Variants in CNTN3 observed in about 807,000 individuals in gnomAD.
The protein encoded by CNTN3 is contactin 3.
In CNTN3, 60 loss-of-function variants were observed where a neutral mutation model predicts 119.1. The ratio of observed to expected loss-of-function variants is 0.50; its 90% confidence interval spans 0.41 to 0.62. CNTN3 has a LOEUF of 0.62. Ranked by LOEUF, CNTN3 falls within the 20% of genes least tolerant of loss-of-function variation. The probability of loss-of-function intolerance (pLI) is 0.00; values close to 1 mark genes in which losing one functional copy is unlikely to be tolerated. For missense variants in CNTN3, 1,101 were observed against 1,242.4 expected (o/e 0.89, Z 1.71); for synonymous variants, 450 against 438.7 (o/e 1.03, Z -0.32).
chr3:74,479,648 C>T (rs1424545543), intron 4 of CNTN3, among the ~76,000 whole-genome samples: 2 of 151,902 alleles, frequency 1.3e-5, no homozygotes, highest in Non-Finnish European at 2.9e-5. Context: ...AAACAATGAA[C>T]ACCAAGAAAG....
In CNTN3 at chr3:74,397,846, A is replaced by G. The variant is rs918279032; in HGVS notation, c.455-26447T>C. ...CAGGAGTCTGGAAAAAGTGGATTCT[A>G]ACTTTCATGTATGACTTTGAGTTCA... On this transcript the variant is annotated intron_variant, in intron 5 of 22. Transcript: ENST00000263665. 3.9e-5 allele frequency among the ~76,000 whole-genome samples: 6 copies of G among 152,304 alleles called. 1 individual carries two copies. The highest frequency in any genetic ancestry group is 1.4e-4 in the African/African-American group (6 of 41,574).
chr3:74,605,502 A>G (rs1704977617), intron 1 of CNTN3, among the ~76,000 whole-genome samples: 1 of 152,132 alleles, frequency 6.6e-6, no homozygotes, highest in Non-Finnish European at 1.5e-5. Flanking sequence ...TAAACAAAGA[A>G]TTTATTATCT....
chr3:74,539,403 C>T (rs1321207509), intron 1 of CNTN3, among the ~76,000 whole-genome samples: 2 of 152,074 alleles, frequency 1.3e-5, no homozygotes, highest in Non-Finnish European at 2.9e-5. Context: ...GAGGGAAGTA[C>T]TATGACTATT....
At chr3:74,567,693 A>G (rs1442430062) in intron 1 of CNTN3, among the ~76,000 whole-genome samples, 2 of 152,120 alleles carry the variant, frequency 1.3e-5, no homozygotes, top group Non-Finnish European at 2.9e-5. Context: ...CTCTGCTGAC[A>G]GTCGATGATG....
intron 1 of CNTN3, among the ~76,000 whole-genome samples, chr3:74,545,390 T>C (rs548045546): frequency 2.9e-4 from 44 of 152,296 alleles, no homozygotes; most frequent in African/African-American, 1.1e-3. Flanking sequence ...GAAAACTATC[T>C]TTTTGGAATC....
In CNTN3 at chr3:74,424,890, C is replaced by T. The variant is rs770365397; in HGVS notation, c.409G>A (p.Gly137Ser). Reference protein sequence around the residue: ...KMRSTVSVREGQGVVLLCGPP... With the variant: ...KMRSTVSVRESQGVVLLCGPP... Reference sequence around the variant, plus strand: ...CCGCAGAGCAGCACAACTCCCTGGCCTTCACGCACAGACACTGTACTCCTC... The same window carrying T: ...CCGCAGAGCAGCACAACTCCCTGGCTTTCACGCACAGACACTGTACTCCTC... Residue 137 changes from glycine to serine, a missense_variant, in exon 5 of 23, where the codon GGC (glycine) becomes AGC (serine). Coordinates refer to ENST00000263665, the MANE Select transcript of CNTN3 (RefSeq NM_020872.3). The T allele has an allele frequency of 3.9e-5, 63 of 1,613,696 alleles. No homozygotes were observed. Among genetic ancestry groups the T allele is most frequent in the Non-Finnish European group, 4.4e-5 (52 of 1,179,802 alleles).
intron 5 of CNTN3, among the ~76,000 whole-genome samples, chr3:74,419,175 C>G (rs538628905): frequency 6.6e-6 from 1 of 152,266 alleles, no homozygotes; most frequent in South Asian, 2.1e-4. Context: ...TAAGATGAAG[C>G]TGTATTATAC....
intron 2 of CNTN3, among the ~76,000 whole-genome samples, chr3:74,509,504 G>A (rs1159711653): frequency 6.6e-6 from 1 of 152,030 alleles, no homozygotes; most frequent in East Asian, 1.9e-4. Context: ...CGCCATGTTG[G>A]CCAGGCTGGT....
At chr3:74,358,803 T>G (rs1029154495) in intron 11 of CNTN3, among the ~76,000 whole-genome samples, 2 of 130,494 alleles carry the variant, frequency 1.5e-5, no homozygotes, top group African/African-American at 5.8e-5. Flanking sequence ...ATATTCCCCT[T>G]TCTGTGTCCA....
At chr3:74,561,599 G>A (rs1427505320) in intron 1 of CNTN3, among the ~76,000 whole-genome samples, 5 of 152,168 alleles carry the variant, frequency 3.3e-5, no homozygotes, top group East Asian at 1.9e-4. Context: ...GAGGCCTCCC[G>A]CACAGAAGTG....
chr3:74,419,233 C>T (rs1252909335), intron 5 of CNTN3, among the ~76,000 whole-genome samples: 1 of 152,164 alleles, frequency 6.6e-6, no homozygotes. Context: ...GACATAATCA[C>T]ATCCAAAAAC....
intron 1 of CNTN3, among the ~76,000 whole-genome samples, chr3:74,564,176 G>T (rs1704194008): frequency 6.6e-6 from 1 of 152,120 alleles, no homozygotes; most frequent in African/African-American, 2.4e-5. Context: ...CCAGCAAGGT[G>T]ATATCCAAGC....
intron 1 of CNTN3, among the ~76,000 whole-genome samples, chr3:74,608,370 G>A (rs936642927): frequency 5.9e-5 from 9 of 152,156 alleles, no homozygotes; most frequent in Non-Finnish European, 1.3e-4. Flanking sequence ...TTAGGAAGAT[G>A]TGCTTTTGAT....
At chr3:74,492,602 T>C (rs559433443) in intron 3 of CNTN3, among the ~76,000 whole-genome samples, 153 of 152,308 alleles carry the variant, frequency 1.0e-3, no homozygotes, top group African/African-American at 3.5e-3. Flanking sequence ...ATACCTGACA[T>C]AGGAGTTATT....
intron 5 of CNTN3, among the ~76,000 whole-genome samples, chr3:74,408,358 T>C (rs971835318): frequency 2.0e-5 from 3 of 152,194 alleles, no homozygotes; most frequent in African/African-American, 7.2e-5. Flanking sequence ...ATTGAGTAAG[T>C]CTTATCCTGG....
rs559831049 is a variant in CNTN3, at chr3:74,365,485, G to C, written c.1083+81C>G. On this transcript the variant is annotated intron_variant, in intron 9 of 22. Transcript: ENST00000263665. ...GTTTATTTTGGGACTAGGGACTAAA[G>C]AAAGCATTTGCTAAACACCAAGTGA... 5.1e-6 allele frequency: 8 copies of C among 1,568,362 alleles called. No homozygotes were observed. In the South Asian group the frequency reaches 9.0e-5, roughly 18 times the overall value.
intron 1 of CNTN3, among the ~76,000 whole-genome samples, chr3:74,554,249 A>T (rs989979470): frequency 6.6e-6 from 1 of 152,046 alleles, no homozygotes; most frequent in Non-Finnish European, 1.5e-5. Flanking sequence ...GTTATTTCTG[A>T]GGCCTCCGTT....
At chr3:74,564,346 A>G (rs924981822) in intron 1 of CNTN3, among the ~76,000 whole-genome samples, 1 of 152,104 alleles carries the variant, frequency 6.6e-6, no homozygotes, top group Non-Finnish European at 1.5e-5. Context: ...TATGGTACAG[A>G]ATGATGAGTG....
chr3:74,371,433 A>C (rs769758305), intron 5 of CNTN3, 34 bp from the exon 6 acceptor site: 1 of 1,497,832 alleles, frequency 6.7e-7, no homozygotes, highest in Non-Finnish European at 9.3e-7. Context: ...AAGAAATTCC[A>C]TCATTAAGGA....
Sources: allele counts gnomAD v4.1 joint callset (sites outside exome capture counted in the v4.1 genomes callset), GRCh38; gene constraint gnomAD v4.1.1; transcripts MANE v1.5; gene names NCBI Gene and HGNC (gene_info 2026-07-23, HGNC 2026-07-21).